Variants in CENPO observed in about 807,000 individuals in gnomAD.
The protein encoded by CENPO is centromeric protein O.
A neutral mutation model predicts 36.1 loss-of-function variants in CENPO; 30 were observed. That is an observed-to-expected ratio of 0.83 (90% CI 0.62 to 1.13). CENPO has a LOEUF of 1.13. CENPO is among the 50% of genes most tolerant of loss of function. CENPO has a pLI of 0.00. For synonymous variants in CENPO, 171 were observed against 142.3 expected, an observed-to-expected ratio of 1.20 and a Z score of -1.44; for missense variants, 349 against 357.8, an observed-to-expected ratio of 0.98 and a Z score of 0.20.
chr2:24,815,349 G>GGGAA, intron 4 of CENPO, 148 bp from the exon 5 acceptor site: 1 of 653,526 alleles, frequency 1.5e-6, no homozygotes, highest in South Asian at 2.0e-5. Context: ...CGGAGCCAAG[G>GGGAA]GGAAGAATGA....
intron 2 of CENPO, among the ~76,000 whole-genome samples, chr2:24,794,195 A>G (rs946997649): frequency 2.0e-5 from 3 of 152,210 alleles, no homozygotes; most frequent in African/African-American, 7.2e-5. Flanking sequence ...TGCATCCATC[A>G]TATGCTCAGT....
At chr2:24,804,582 A>G (rs545195205) in intron 3 of CENPO, among the ~76,000 whole-genome samples, 2 of 152,220 alleles carry the variant, frequency 1.3e-5, no homozygotes, top group South Asian at 4.2e-4. Flanking sequence ...TCCTTCACTT[A>G]TGAAGCTTAG....
chr2:24,805,673 C>T lies in CENPO; in HGVS notation c.216+5829C>T, dbSNP rs146402595. Among the ~76,000 whole-genome samples the T allele has an allele frequency of 4.3e-4, 66 of 152,316 alleles. No homozygotes were observed. In the South Asian group the frequency reaches 4.4e-3, roughly 10 times the overall value. On this transcript the variant is annotated intron_variant, in intron 3 of 7. Transcript: ENST00000380834. ...TGAACAGCAAATGCTGCTGCCTGAT[C>T]GTTCCTCTGGAAGTTTTGTCTCAGA...
intron 2 of CENPO, among the ~76,000 whole-genome samples, chr2:24,798,433 G>A (rs1400665209): frequency 6.6e-6 from 1 of 152,036 alleles, no homozygotes; most frequent in Non-Finnish European, 1.5e-5. Flanking sequence ...GGATAATTCT[G>A]CATATAGTGC....
Position 24,815,609 on chromosome 2 carries a change from G to C in CENPO, c.447G>C (p.Arg149=), listed in dbSNP as rs1040119942. ...FVDLVIQKPL[R]IHHHSVPVFI... ...ACCTTGTCATACAGAAACCACTCCG[G>C]ATACATCACCATTCAGTCCCAGTCT... is the stretch of plus-strand genomic sequence containing the variant. Residue 149 remains arginine, a synonymous_variant, in exon 5 of 8, where the codon CGG becomes CGC. Coordinates refer to ENST00000380834, the MANE Select transcript of CENPO (RefSeq NM_001322101.2). The C allele has an allele frequency of 2.5e-6, 4 of 1,613,954 alleles. No individual in the cohort carries two copies. The highest frequency in any genetic ancestry group is 2.7e-5 in the African/African-American group (2 of 74,902).
At chr2:24,806,509 C>T (rs1024552227) in intron 3 of CENPO, among the ~76,000 whole-genome samples, 2 of 152,236 alleles carry the variant, frequency 1.3e-5, no homozygotes, top group African/African-American at 4.8e-5. Flanking sequence ...GTAAGCCAGG[C>T]AAGTTCTTCC....
At chr2:24,804,394 A>G (rs939075801) in intron 3 of CENPO, among the ~76,000 whole-genome samples, 30 of 152,198 alleles carry the variant, frequency 2.0e-4, no homozygotes, top group African/African-American at 7.2e-4. Flanking sequence ...TATTTTGCCC[A>G]TTAATTCATG....
chr2:24,811,831 C>T (rs990455687), intron 3 of CENPO, among the ~76,000 whole-genome samples: 1 of 152,138 alleles, frequency 6.6e-6, no homozygotes, highest in Admixed American at 6.5e-5. Context: ...CTCCTGACCT[C>T]ATGATCTGCC....
intron 3 of CENPO, among the ~76,000 whole-genome samples, chr2:24,805,979 G>A (rs1399815930): frequency 2.0e-5 from 3 of 152,218 alleles, no homozygotes; most frequent in Non-Finnish European, 4.4e-5. Flanking sequence ...CACCCAGTTC[G>A]AGCTTCCAGG....
Position 24,820,182 on chromosome 2 carries a change from T to G in CENPO, c.*864T>G. ...GCCTAGACTGAGGGCGGGTGGGGGCTTTGGGTGGTTGGAGCCGAGCACTGA... is the reference window on the plus strand; with the variant it reads ...GCCTAGACTGAGGGCGGGTGGGGGCGTTGGGTGGTTGGAGCCGAGCACTGA... On this transcript the variant is annotated 3_prime_UTR_variant, in exon 8 of 8. Transcript: ENST00000380834. 3 of 1,303,630 alleles carry G rather than the reference T, an allele frequency of 2.3e-6. No homozygotes were observed. The highest frequency in any genetic ancestry group is 3.1e-6 in the Non-Finnish European group (3 of 960,244). 80.8% of individuals were successfully genotyped at this position (1,303,630 alleles called of 1,614,324 possible).
In CENPO at chr2:24,821,803, T is replaced by C; in HGVS notation, c.*2485T>C. ...AGTCGCAGCCACGCTAGCTCTGACTTGCCACTGTGACAAAGTTCACGTAGC... is the reference window on the plus strand; with the variant it reads ...AGTCGCAGCCACGCTAGCTCTGACTCGCCACTGTGACAAAGTTCACGTAGC... On this transcript the variant is annotated 3_prime_UTR_variant, in exon 8 of 8. Coordinates refer to ENST00000380834, the MANE Select transcript of CENPO (RefSeq NM_001322101.2). The C allele has an allele frequency of 9.6e-7, 1 of 1,040,942 alleles. No homozygotes were observed. The highest frequency in any genetic ancestry group is 1.4e-6 in the Non-Finnish European group (1 of 731,636). 64.5% of individuals were successfully genotyped at this position (1,040,942 alleles called of 1,614,324 possible).
At chr2:24,818,124 C>T (rs1211249972) in intron 7 of CENPO, among the ~76,000 whole-genome samples, 1 of 146,964 alleles carries the variant, frequency 6.8e-6, no homozygotes, top group African/African-American at 2.5e-5. Flanking sequence ...TCAAGAAGTA[C>T]TTATGGAAAA....
rs1017308773 is a variant in CENPO, at chr2:24,820,310, G to A, written c.*992G>A. ...TGGGAAGGAGAACCCTGGAGTGACTGGCTGGGGGCCTCCTCTCATCCAGAG... is the reference window on the plus strand; with the variant it reads ...TGGGAAGGAGAACCCTGGAGTGACTAGCTGGGGGCCTCCTCTCATCCAGAG... On this transcript the variant is annotated 3_prime_UTR_variant, in exon 8 of 8. Transcript: ENST00000380834. 7 of 1,303,648 alleles carry A rather than the reference G, an allele frequency of 5.4e-6. No homozygotes were observed. The highest frequency in any genetic ancestry group is 4.6e-5 in the African/African-American group (3 of 65,518). 80.8% of individuals were successfully genotyped at this position (1,303,648 alleles called of 1,614,324 possible).
At position 24,821,807 on chromosome 2, in the gene CENPO, ACT is replaced by A. The variant is rs1667766383; in HGVS notation, c.*2490_*2491del. On this transcript the variant is annotated 3_prime_UTR_variant, in exon 8 of 8. Coordinates refer to ENST00000380834, the MANE Select transcript of CENPO (RefSeq NM_001322101.2). The stretch of plus-strand genomic sequence containing the variant: ...GCAGCCACGCTAGCTCTGACTTGCC[ACT>A]GTGACAAAGTTCACGTAGCAGGTCT... The A allele has an allele frequency of 2.0e-6, 2 of 1,002,638 alleles. No individual in the cohort carries two copies. The highest frequency in any genetic ancestry group is 1.6e-5 in the South Asian group (1 of 61,218). 62.1% of individuals were successfully genotyped at this position (1,002,638 alleles called of 1,614,324 possible).
At chr2:24,795,486 A>G (rs1472070535) in intron 2 of CENPO, among the ~76,000 whole-genome samples, 1 of 152,196 alleles carries the variant, frequency 6.6e-6, no homozygotes, top group African/African-American at 2.4e-5. Flanking sequence ...TGTAGTAGCA[A>G]CGCTAAACAA....
At chr2:24,801,591 C>T (rs971823411) in intron 3 of CENPO, among the ~76,000 whole-genome samples, 3 of 152,170 alleles carry the variant, frequency 2.0e-5, no homozygotes, top group African/African-American at 7.2e-5. Context: ...GGGAATCCTT[C>T]CCCATTTCTT....
chr2:24,816,945 C>T (rs1279850594), intron 6 of CENPO, 128 bp downstream of exon 6: 5 of 739,700 alleles, frequency 6.8e-6, no homozygotes, highest in South Asian at 2.6e-5. Context: ...GTACATTACT[C>T]AGACCGGTAA....
rs751338519 is a variant in CENPO, at chr2:24,816,827, G to T, written c.766+10G>T. 3.8e-6 allele frequency: 6 copies of T among 1,573,206 alleles called. No individual in the cohort carries two copies. Among genetic ancestry groups the T allele is most frequent in the Non-Finnish European group, 3.4e-6 (4 of 1,160,142 alleles). On this transcript the variant is annotated intron_variant, in intron 6 of 7. Coordinates refer to ENST00000380834, the MANE Select transcript of CENPO (RefSeq NM_001322101.2). ...ACCGTGACATGTCAAGGTAAGAAGG[G>T]TGCCTCAGTGCAGAAATTCTCATAT...
At chr2:24,806,254 T>A (rs1024186148) in intron 3 of CENPO, among the ~76,000 whole-genome samples, 3 of 152,254 alleles carry the variant, frequency 2.0e-5, no homozygotes, top group Non-Finnish European at 4.4e-5. Context: ...GGGAACTCCC[T>A]GACCCCTTGC....
Sources: allele counts gnomAD v4.1 joint callset (sites outside exome capture counted in the v4.1 genomes callset), GRCh38; gene constraint gnomAD v4.1.1; transcripts MANE v1.5; gene names NCBI Gene and HGNC (gene_info 2026-07-23, HGNC 2026-07-21).